TAFA1: variants seen among roughly 807,000 people sequenced by gnomAD.
TAFA1 encodes the protein chemokine-like protein TAFA-1.
In TAFA1, 4 loss-of-function variants were observed where a neutral mutation model predicts 18.5. The observed-to-expected ratio is 0.22, with a 90% CI of 0.11 to 0.49. TAFA1 has a LOEUF of 0.49. Ranked by LOEUF, TAFA1 falls within the 20% of genes least tolerant of loss-of-function variation. The pLI is 0.98. For synonymous variants in TAFA1, 56 were observed against 55.2 expected, an observed-to-expected ratio of 1.01 and a Z score of -0.06; for missense variants, 147 against 169.0, an observed-to-expected ratio of 0.87 and a Z score of 0.72.
At chr3:68,011,102 GTTAC>G (rs762112719) in intron 2 of TAFA1, among the ~76,000 whole-genome samples, 21 of 107,350 alleles carry the variant, frequency 2.0e-4, no homozygotes, top group Non-Finnish European at 3.0e-4. Context: ...AATTTTGATA[GTTAC>G]TTAATTTTGA....
At chr3:67,999,405 G>T (rs1485601173), upstream of TAFA1, among the ~76,000 whole-genome samples, 1 of 151,960 alleles carries the variant, frequency 6.6e-6, no homozygotes, top group African/African-American at 2.4e-5. Context: ...AATTTACCAC[G>T]TTCCCTTGAG....
intron 2 of TAFA1, among the ~76,000 whole-genome samples, chr3:68,128,997 T>C (rs1406428403): frequency 1.3e-5 from 2 of 152,192 alleles, no homozygotes; most frequent in Non-Finnish European, 2.9e-5. Context: ...CTTCTACAAA[T>C]GATATTATAC....
At chr3:68,041,017 T>C (rs550668017) in intron 2 of TAFA1, among the ~76,000 whole-genome samples, 10 of 152,170 alleles carry the variant, frequency 6.6e-5, no homozygotes, top group Admixed American at 1.3e-4. Context: ...GTCTTGAAAA[T>C]TGCATTAAGA....
intron 2 of TAFA1, among the ~76,000 whole-genome samples, chr3:68,325,425 T>C (rs1484703554): frequency 6.6e-6 from 1 of 152,126 alleles, no homozygotes; most frequent in Non-Finnish European, 1.5e-5. Context: ...CATTTCAGAG[T>C]GTTGTGATGA....
At chr3:68,277,486 G>A (rs2067818287) in intron 2 of TAFA1, among the ~76,000 whole-genome samples, 2 of 151,808 alleles carry the variant, frequency 1.3e-5, no homozygotes, top group African/African-American at 4.8e-5. Context: ...GGAAAAGGGG[G>A]AAAAGCCAAA....
At chr3:68,317,829 G>T (rs2068630559) in intron 2 of TAFA1, among the ~76,000 whole-genome samples, 1 of 152,108 alleles carries the variant, frequency 6.6e-6, no homozygotes, top group African/African-American at 2.4e-5. Context: ...TTTTATATTT[G>T]CTGTTTTTAT....
intron 2 of TAFA1, among the ~76,000 whole-genome samples, chr3:68,400,860 A>G (rs1373070670): frequency 1.3e-5 from 2 of 152,184 alleles, no homozygotes; most frequent in East Asian, 1.9e-4. Flanking sequence ...GCCTCAGCGG[A>G]CTTTCATTTT....
At chr3:68,392,189 A>G (rs973028177) in intron 2 of TAFA1, among the ~76,000 whole-genome samples, 1 of 151,882 alleles carries the variant, frequency 6.6e-6, no homozygotes, top group Non-Finnish European at 1.5e-5. Flanking sequence ...AAAAAAAAAA[A>G]AAAAAAAGTA....
At chr3:68,136,489 G>A (rs2106892731) in intron 2 of TAFA1, among the ~76,000 whole-genome samples, 1 of 152,276 alleles carries the variant, frequency 6.6e-6, no homozygotes, top group South Asian at 2.1e-4. Context: ...TCGCTCTGGG[G>A]CCGCTGCAGC....
chr3:68,079,234 T>C (rs1450603462), intron 2 of TAFA1, among the ~76,000 whole-genome samples: 1 of 152,208 alleles, frequency 6.6e-6, no homozygotes, highest in African/African-American at 2.4e-5. Flanking sequence ...TAGTAGTCTA[T>C]CAATTTAGTT....
chr3:68,271,563 G>A (rs577109088), intron 2 of TAFA1, among the ~76,000 whole-genome samples: 1 of 152,234 alleles, frequency 6.6e-6, no homozygotes, highest in East Asian at 1.9e-4. Flanking sequence ...AAAATGACAC[G>A]TTCCTTATAG....
intron 1 of TAFA1, 120 bp from the exon 2 acceptor site, chr3:68,006,504 C>A: frequency 1.4e-6 from 1 of 709,814 alleles, no homozygotes; most frequent in Admixed American, 2.0e-5. Flanking sequence ...ATCATTAGTT[C>A]TAGCCAGAGA....
intron 3 of TAFA1, among the ~76,000 whole-genome samples, chr3:68,510,363 T>G (rs2072826766): frequency 1.3e-5 from 2 of 152,142 alleles, no homozygotes; most frequent in Admixed American, 6.6e-5. Flanking sequence ...GTCCATTGCT[T>G]AAAGGACAGA....
intron 3 of TAFA1, among the ~76,000 whole-genome samples, chr3:68,482,722 T>A (rs1044691198): frequency 2.0e-5 from 3 of 152,230 alleles, no homozygotes; most frequent in African/African-American, 7.2e-5. Context: ...AACATAGTTC[T>A]GAGCCAATTT....
At chr3:68,514,190 A>G (rs1310763659) in intron 3 of TAFA1, among the ~76,000 whole-genome samples, 1 of 152,180 alleles carries the variant, frequency 6.6e-6, no homozygotes, top group African/African-American at 2.4e-5. Flanking sequence ...AATTCAATGT[A>G]TGAATTCTGG....
chr3:68,034,487 T>G (rs555790093), intron 2 of TAFA1, among the ~76,000 whole-genome samples: 12 of 152,330 alleles, frequency 7.9e-5, no homozygotes, highest in African/African-American at 2.4e-4. Context: ...GGAGAAGGAT[T>G]TGAGCCCAAG....
chr3:68,129,995 C>T (rs1280776436), intron 2 of TAFA1, among the ~76,000 whole-genome samples: 1 of 152,120 alleles, frequency 6.6e-6, no homozygotes, highest in Non-Finnish European at 1.5e-5. Flanking sequence ...CTAATTTTCA[C>T]ACTTCTTTGA....
chr3:68,136,072 G>A (rs2065603156), intron 2 of TAFA1, among the ~76,000 whole-genome samples: 1 of 152,068 alleles, frequency 6.6e-6, no homozygotes. Context: ...TCAAGTATGA[G>A]GGCAAATAGA....
intron 2 of TAFA1, among the ~76,000 whole-genome samples, chr3:68,034,937 G>A (rs1705013817): frequency 6.6e-6 from 1 of 152,122 alleles, no homozygotes; most frequent in African/African-American, 2.4e-5. Flanking sequence ...GCCCAGTTGG[G>A]TGGCATCTTA....
Sources: gnomAD v4.1 joint callset for allele counts (sites outside exome capture counted in the v4.1 genomes callset) on GRCh38, gnomAD v4.1.1 for gene constraint, MANE v1.5 for transcripts, NCBI Gene and HGNC (gene_info 2026-07-23, HGNC 2026-07-21) for gene names.